MAST4: variants seen among roughly 807,000 people sequenced by gnomAD.
MAST4 encodes the protein microtubule associated serine/threonine kinase family member 4, also known as microtubule-associated serine/threonine-protein kinase 4.
In MAST4, 89 loss-of-function variants were observed where a neutral mutation model predicts 162.7. The ratio of observed to expected loss-of-function variants is 0.55; its 90% CI spans 0.46 to 0.65. The LOEUF is 0.65. MAST4 is among the 30% of genes least tolerant of loss of function. MAST4 has a pLI of 0.00. For missense variants in MAST4, 3,153 were observed against 3,374.0 expected (o/e 0.93, Z 1.62); for synonymous variants, 1,479 against 1,361.1 (o/e 1.09, Z -1.91).
chr5:67,071,328 G>A (rs925039307), intron 5 of MAST4, among the ~76,000 whole-genome samples: 2 of 152,324 alleles, frequency 1.3e-5, no homozygotes, highest in East Asian at 1.9e-4. Context: ...ACCTTTCACT[G>A]CTAGATAATG....
intron 1 of MAST4, among the ~76,000 whole-genome samples, chr5:66,715,304 A>G (rs1750747332): frequency 6.6e-6 from 1 of 152,166 alleles, no homozygotes; most frequent in African/African-American, 2.4e-5. Flanking sequence ...AATGTCTTCT[A>G]ATTTTTTTAA....
At chr5:66,794,950 T>C (rs980798600) in intron 3 of MAST4, among the ~76,000 whole-genome samples, 18 of 152,186 alleles carry the variant, frequency 1.2e-4, no homozygotes, top group Non-Finnish European at 2.4e-4. Context: ...TCAGGGAAAA[T>C]TTACTAAATG....
chr5:66,912,175 C>T (rs1763821240), intron 4 of MAST4, among the ~76,000 whole-genome samples: 1 of 152,154 alleles, frequency 6.6e-6, no homozygotes, highest in Admixed American at 6.5e-5. Flanking sequence ...ATGTTAATTG[C>T]AGGGAGAGTG....
chr5:67,025,858 G>A (rs1404243189), intron 4 of MAST4, among the ~76,000 whole-genome samples: 1 of 152,188 alleles, frequency 6.6e-6, no homozygotes, highest in Non-Finnish European at 1.5e-5. Flanking sequence ...AAATGTGACT[G>A]TGTCCCCTGT....
chr5:67,051,424 G>T lies in MAST4; in HGVS notation c.675-2980G>T, dbSNP rs181407587. Among the ~76,000 whole-genome samples, 192 of 152,304 alleles carry T rather than the reference G, an allele frequency of 1.3e-3. 1 individual carries two copies. The highest frequency in any genetic ancestry group is 4.4e-3 in the African/African-American group (182 of 41,576). ...GGTCAGCTCAGCATTTTGCACCAAT[G>T]TTATTATTAATGTGGGCATTGCCAG... On this transcript the variant is annotated intron_variant, in intron 4 of 28. Coordinates refer to ENST00000403625, the MANE Select transcript of MAST4 (RefSeq NM_001164664.2).
At chr5:66,616,633 AC>A (rs1358753442) in intron 1 of MAST4, among the ~76,000 whole-genome samples, 18 of 151,404 alleles carry the variant, frequency 1.2e-4, no homozygotes, top group African/African-American at 3.9e-4. Context: ...GTTCTGTAGA[AC>A]CCCCAAGCAG....
At chr5:66,807,941 A>G (rs1274655416) in intron 3 of MAST4, among the ~76,000 whole-genome samples, 2 of 152,210 alleles carry the variant, frequency 1.3e-5, no homozygotes, top group Non-Finnish European at 2.9e-5. Flanking sequence ...CCTTGAGGCT[A>G]TGATGGAAAA....
chr5:66,953,886 G>A lies in MAST4; in HGVS notation c.674+53904G>A, dbSNP rs1040044803. The stretch of plus-strand genomic sequence containing the variant: ...CTCTACTCACTATATGCCAATAGCA[G>A]CAACCCCCTTATTCCCTGCTGCAAA... On this transcript the variant is annotated intron_variant, in intron 4 of 28. Transcript: ENST00000403625. Among the ~76,000 whole-genome samples, 3 of 152,256 alleles carry A rather than the reference G, an allele frequency of 2.0e-5. No homozygotes were observed. In the South Asian group the frequency reaches 6.2e-4, roughly 32 times the overall value.
intron 4 of MAST4, among the ~76,000 whole-genome samples, chr5:67,023,453 G>A (rs933716546): frequency 2.0e-5 from 3 of 152,204 alleles, no homozygotes; most frequent in African/African-American, 4.8e-5. Context: ...CAAGCCATAC[G>A]TAGCTCTATG....
intron 12 of MAST4, among the ~76,000 whole-genome samples, chr5:67,115,877 GT>G (rs560828336): frequency 7.3e-4 from 105 of 144,014 alleles, no homozygotes; most frequent in Non-Finnish European, 7.5e-4. Context: ...CTTTTAATTT[GT>G]TTTTTTTTTT....
intron 3 of MAST4, among the ~76,000 whole-genome samples, chr5:66,806,743 A>G (rs1391098142): frequency 6.6e-6 from 1 of 152,104 alleles, no homozygotes; most frequent in African/African-American, 2.4e-5. Context: ...TTAAGCATAC[A>G]TTTTCTTTTT....
intron 3 of MAST4, among the ~76,000 whole-genome samples, chr5:66,848,181 G>A (rs896683882): frequency 2.6e-5 from 4 of 152,040 alleles, no homozygotes; most frequent in Non-Finnish European, 5.9e-5. Flanking sequence ...TTATTTTGGT[G>A]TCAAAGTAAA....
intron 4 of MAST4, among the ~76,000 whole-genome samples, chr5:67,053,643 A>C (rs936885121): frequency 2.0e-5 from 3 of 152,342 alleles, no homozygotes; most frequent in Admixed American, 2.0e-4. Context: ...TTATTCTTTA[A>C]GGCTTTTGAA....
intron 2 of MAST4, among the ~76,000 whole-genome samples, chr5:66,786,694 G>A (rs1253117707): frequency 3.3e-5 from 5 of 152,066 alleles, no homozygotes; most frequent in Admixed American, 1.3e-4. Context: ...TCTCAAAGCC[G>A]TTCTTAGTTC....
intron 4 of MAST4, among the ~76,000 whole-genome samples, chr5:66,976,818 C>G (rs186335074): frequency 6.6e-6 from 1 of 152,152 alleles, no homozygotes; most frequent in African/African-American, 2.4e-5. Context: ...TGTGGGCTTC[C>G]TATTTAGCTC....
intron 1 of MAST4, among the ~76,000 whole-genome samples, chr5:66,747,193 G>A (rs1752822503): frequency 6.6e-6 from 1 of 151,838 alleles, no homozygotes; most frequent in South Asian, 2.1e-4. Context: ...CGAGATAGCA[G>A]TATCAAAGTG....
chr5:66,821,236 G>A (rs560368213), intron 3 of MAST4, among the ~76,000 whole-genome samples: 9 of 152,304 alleles, frequency 5.9e-5, no homozygotes, highest in South Asian at 4.1e-4. Context: ...GCAGACTGCC[G>A]CTTGTTTTAG....
At chr5:66,739,956 TTAG>T (rs1752392490) in intron 1 of MAST4, among the ~76,000 whole-genome samples, 1 of 152,082 alleles carries the variant, frequency 6.6e-6, no homozygotes, top group African/African-American at 2.4e-5. Flanking sequence ...TTTAGGTTTC[TTAG>T]TAGTACTATG....
chr5:67,037,535 C>T (rs1443000240), intron 4 of MAST4, among the ~76,000 whole-genome samples: 4 of 152,048 alleles, frequency 2.6e-5, no homozygotes, highest in Non-Finnish European at 5.9e-5. Context: ...CATTGTCAAC[C>T]CTATTTCTAT....
Sources: allele counts gnomAD v4.1 joint callset (sites outside exome capture counted in the v4.1 genomes callset), GRCh38; gene constraint gnomAD v4.1.1; transcripts MANE v1.5; gene names NCBI Gene and HGNC (gene_info 2026-07-23, HGNC 2026-07-21).